TERF1: variants seen among roughly 807,000 people sequenced by gnomAD.
TERF1 encodes the protein telomeric repeat-binding factor 1.
Under a neutral mutation model 55.1 loss-of-function variants are expected in TERF1, and 20 were observed. The observed-to-expected ratio is 0.36, with a 90% CI of 0.26 to 0.53. TERF1 has a LOEUF of 0.53. TERF1 is among the 20% of genes least tolerant of loss of function. The pLI is 0.91. For missense variants in TERF1, 439 were observed against 535.7 expected (o/e 0.82, Z 1.78); for synonymous variants, 168 against 181.2 (o/e 0.93, Z 0.59).
At chr8:73,012,505 T>TA (rs889122263) in intron 1 of TERF1, 5 of 155,424 alleles carry the variant, frequency 3.2e-5, no homozygotes, top group African/African-American at 7.3e-5. Flanking sequence ...CCGTCTCTAC[T>TA]AAAAAAATAC....
intron 8 of TERF1, 68 bp from the exon 9 acceptor site, chr8:73,039,045 CATT>C: frequency 9.5e-7 from 1 of 1,049,166 alleles, no homozygotes; most frequent in Non-Finnish European, 1.4e-6. Context: ...TCATTATAAT[CATT>C]AAAAATATAA....
rs752015277 is a variant in TERF1 at position 73,047,718 on chromosome 8, A to G, written c.*1581A>G. 1.5e-4 allele frequency: 23 copies of G among 152,188 alleles called. No homozygotes were observed. The highest frequency in any genetic ancestry group is 1.5e-4 in the Non-Finnish European group (10 of 68,038). The allele number at this position is 152,188 out of a possible 1,614,324, so 9.4% of individuals were successfully genotyped here. A position where few individuals can be genotyped will look rare whatever the true frequency, so the allele number is the denominator to read the frequency against. ...CCATTGTTCCTGAATTTGTTATCCT[A>G]TATATAAACAGAAACATGGATGAGT... On this transcript the variant is annotated 3_prime_UTR_variant, in exon 10 of 10. Transcript: ENST00000276603.
chr8:73,042,804 T>G (rs1220323738), intron 9 of TERF1: 1 of 152,222 alleles, frequency 6.6e-6, no homozygotes, highest in African/African-American at 2.4e-5. Flanking sequence ...TAATTTGTTA[T>G]GTGCTCTTTG....
chr8:73,029,844 G>T (rs1809201986), intron 6 of TERF1: 1 of 152,222 alleles, frequency 6.6e-6, no homozygotes, highest in Non-Finnish European at 1.5e-5. Context: ...AAGCATGGAG[G>T]TGTAAATAGT....
In TERF1 at chr8:73,037,769, A is replaced by G. The variant is rs1178655331; in HGVS notation, c.1040-1347A>G. ...TATTATATATAATATTATATAGTAT[A>G]ATATATATATTATATATAATATATA... On this transcript the variant is annotated intron_variant, in intron 8 of 9. Transcript: ENST00000276603. Among the ~76,000 whole-genome samples, 27 of 52,212 alleles carry G rather than the reference A, an allele frequency of 5.2e-4. 1 individual carries two copies. The highest frequency in any genetic ancestry group is 1.5e-3 in the African/African-American group (22 of 14,424). The allele number at this position is 52,212 out of a possible 152,430, so 34.3% of individuals were successfully genotyped here.
At chr8:73,013,767 T>G (rs1223828944) in intron 1 of TERF1, 128 bp from the exon 2 acceptor site, 3 of 607,114 alleles carry the variant, frequency 4.9e-6, no homozygotes, top group Non-Finnish European at 8.8e-6. Flanking sequence ...TAATCAGATC[T>G]TAAATGTACA....
chr8:73,012,625 A>G (rs952378441), intron 1 of TERF1: 1 of 194,106 alleles, frequency 5.2e-6, no homozygotes, highest in Non-Finnish European at 1.1e-5. Flanking sequence ...GTGAGTGGAG[A>G]TGCACCATTG....
intron 6 of TERF1, among the ~76,000 whole-genome samples, chr8:73,029,445 C>T (rs1409108774): frequency 6.6e-6 from 1 of 151,932 alleles, no homozygotes; most frequent in East Asian, 1.9e-4. Flanking sequence ...GGCAACATGG[C>T]AGAACCTTGT....
intron 1 of TERF1, chr8:73,013,073 G>T: frequency 2.9e-6 from 1 of 343,008 alleles, no homozygotes; most frequent in South Asian, 2.3e-5. Flanking sequence ...GGAGGAAATT[G>T]GGTAAAAATA....
At chr8:73,039,017 T>G in intron 8 of TERF1, 99 bp from the exon 9 acceptor site, 1 of 921,734 alleles carries the variant, frequency 1.1e-6, no homozygotes, top group Non-Finnish European at 1.6e-6. Flanking sequence ...TTTCTTAGAA[T>G]AGCTTAGAAA....
chr8:73,020,017 C>T (rs189291730), intron 2 of TERF1, among the ~76,000 whole-genome samples: 6 of 152,270 alleles, frequency 3.9e-5, no homozygotes, highest in Admixed American at 3.9e-4. Context: ...ATCATAAGAG[C>T]AGGATTTTGT....
chr8:73,019,613 C>G (rs1808666024), intron 2 of TERF1, among the ~76,000 whole-genome samples: 1 of 152,182 alleles, frequency 6.6e-6, no homozygotes, highest in Non-Finnish European at 1.5e-5. Context: ...CTCACTGAGC[C>G]TCAGACTCCT....
rs994622294 is a variant in TERF1, at chr8:73,047,459, A to T, written c.*1322A>T. ...ATTAACTATGATCATCTTGATGTCT[A>T]TGATAGATAATAAACAAGGTCATAC... On this transcript the variant is annotated 3_prime_UTR_variant, in exon 10 of 10. Transcript: ENST00000276603. 1.2e-4 allele frequency: 19 copies of T among 152,294 alleles called. No homozygotes were observed. Among genetic ancestry groups the T allele is most frequent in the African/African-American group, 4.6e-4 (19 of 41,562 alleles). The allele number at this position is 152,294 out of a possible 1,614,324, so 9.4% of individuals were successfully genotyped here.
intron 6 of TERF1, among the ~76,000 whole-genome samples, chr8:73,028,781 C>CA (rs1178959357): frequency 6.6e-6 from 1 of 152,140 alleles, no homozygotes. Flanking sequence ...GCTCTGTAAT[C>CA]AGAGTTGTTA....
At chr8:73,017,502 T>C (rs1228734550) in intron 2 of TERF1, among the ~76,000 whole-genome samples, 1 of 152,170 alleles carries the variant, frequency 6.6e-6, no homozygotes, top group Non-Finnish European at 1.5e-5. Context: ...TCCATTTTCC[T>C]GAAGTGTTCT....
rs187233010 is a variant in TERF1, at chr8:73,033,992, C to G, written c.1039+1859C>G. 2.2e-3 allele frequency among the ~76,000 whole-genome samples: 339 copies of G among 152,284 alleles called. 1 individual carries two copies. Among genetic ancestry groups the G allele is most frequent in the Non-Finnish European group, 3.8e-3 (259 of 68,034 alleles). ...ACAGAGTCTTACTTTGTTGCCCAGG[C>G]TGGAATGCAGTGCAGTGGTGAGATC... On this transcript the variant is annotated intron_variant, in intron 8 of 9. Coordinates refer to ENST00000276603, the MANE Select transcript of TERF1 (RefSeq NM_017489.3).
At chr8:73,020,331 T>C (rs1441733932) in intron 2 of TERF1, among the ~76,000 whole-genome samples, 1 of 152,198 alleles carries the variant, frequency 6.6e-6, no homozygotes, top group Non-Finnish European at 1.5e-5. Flanking sequence ...ATTTTATAGG[T>C]GAGAAAACTG....
intron 4 of TERF1, among the ~76,000 whole-genome samples, chr8:73,022,683 A>C (rs1012441398): frequency 1.3e-5 from 2 of 152,182 alleles, no homozygotes; most frequent in African/African-American, 4.8e-5. Context: ...GCAATAGCTC[A>C]TGCCTATAAT....
At chr8:73,040,167 T>G (rs551871550) in intron 9 of TERF1, among the ~76,000 whole-genome samples, 1 of 152,262 alleles carries the variant, frequency 6.6e-6, no homozygotes, top group Admixed American at 6.5e-5. Flanking sequence ...TTTCATTTGC[T>G]TCCTACACAT....
Sources: allele counts gnomAD v4.1 joint callset (sites outside exome capture counted in the v4.1 genomes callset), GRCh38; gene constraint gnomAD v4.1.1; transcripts MANE v1.5; gene names NCBI Gene and HGNC (gene_info 2026-07-23, HGNC 2026-07-21).